STIM1: variants seen among roughly 807,000 people sequenced by gnomAD.
STIM1 encodes the protein stromal interaction molecule 1.
STIM1 carries 25 observed loss-of-function variants against 74.7 expected under a neutral mutation model. That is an observed-to-expected ratio of 0.33 (90% confidence interval 0.24 to 0.47). STIM1 has a LOEUF of 0.47. STIM1 is among the 20% of genes least tolerant of loss of function. The probability of loss-of-function intolerance (pLI) is 1.00; values close to 1 mark genes in which losing one functional copy is unlikely to be tolerated. For missense variants in STIM1, 728 were observed against 920.8 expected (o/e 0.79, Z 2.71); for synonymous variants, 328 against 348.8 (o/e 0.94, Z 0.66).
At chr11:3,997,578 T>C (rs958387025) in intron 2 of STIM1, among the ~76,000 whole-genome samples, 7 of 152,180 alleles carry the variant, frequency 4.6e-5, no homozygotes, top group Non-Finnish European at 7.3e-5. Context: ...TTATAGTCAC[T>C]GACACATAAT....
rs1565171553 is a variant in STIM1 at position 4,084,672 on chromosome 11, GA to G, written c.1475del (p.Tyr492LeufsTer5). On this transcript the variant is annotated frameshift_variant and splice_region_variant, in exon 11 of 13. Transcript: ENST00000526596. LOFTEE classifies it high-confidence loss of function. ...CCTTTTGGCCTGGCTGTTGACCCTA[GA>G]TGCTGCCTGGCTGATGGGGCGTAGG... Reference protein sequence around the residue: ...EEIVSPLSMQYAAWLMGRRFS... With the variant: ...EEIVSPLSMQXAAWLMGRRFS... 7.8e-7 allele frequency: 1 copy of G among 1,289,380 alleles called. No homozygotes were observed. The highest frequency in any genetic ancestry group is 5.5e-5 in the East Asian group (1 of 18,022). 79.9% of individuals were successfully genotyped at this position (1,289,380 alleles called of 1,614,324 possible).
chr11:3,887,255 T>C (rs1164621415), intron 1 of STIM1, among the ~76,000 whole-genome samples: 1 of 152,212 alleles, frequency 6.6e-6, no homozygotes, highest in East Asian at 1.9e-4. Context: ...CTTGTCCTTA[T>C]ACTTCCTTCC....
chr11:3,883,646 C>G (rs926414541), intron 1 of STIM1, among the ~76,000 whole-genome samples: 1 of 152,240 alleles, frequency 6.6e-6, no homozygotes, highest in Non-Finnish European at 1.5e-5. Flanking sequence ...AGGCACCACA[C>G]CCAGCCAATG....
chr11:4,063,720 T>G (rs2094347293), intron 5 of STIM1, among the ~76,000 whole-genome samples: 1 of 152,208 alleles, frequency 6.6e-6, no homozygotes, highest in African/African-American at 2.4e-5. Flanking sequence ...TGTTTGAAGT[T>G]TGGGGAAGAA....
At chr11:3,865,274 T>TA (rs2090810052) in intron 1 of STIM1, among the ~76,000 whole-genome samples, 1 of 152,206 alleles carries the variant, frequency 6.6e-6, no homozygotes, top group Non-Finnish European at 1.5e-5. Flanking sequence ...AGAACAAACT[T>TA]ACCCAAGGTT....
chr11:3,964,299 G>A (rs1173887350), intron 1 of STIM1, among the ~76,000 whole-genome samples: 1 of 152,228 alleles, frequency 6.6e-6, no homozygotes, highest in Non-Finnish European at 1.5e-5. Context: ...AAAGGTCTCA[G>A]GAAGAACAGA....
chr11:3,866,230 C>A (rs958167013), intron 1 of STIM1, among the ~76,000 whole-genome samples: 2 of 152,104 alleles, frequency 1.3e-5, no homozygotes, highest in African/African-American at 2.4e-5. Flanking sequence ...TTACTTATGT[C>A]ATTTAACTTC....
intron 2 of STIM1, chr11:3,989,246 C>A: frequency 2.3e-6 from 2 of 868,074 alleles, no homozygotes; most frequent in Middle Eastern, 2.2e-4. Context: ...GGTAAATGTT[C>A]TTTAGTTTCT....
intron 3 of STIM1, among the ~76,000 whole-genome samples, chr11:4,053,825 T>C (rs2094265293): frequency 6.6e-6 from 1 of 151,990 alleles, no homozygotes; most frequent in African/African-American, 2.4e-5. Flanking sequence ...CCCAGGCTGG[T>C]CTTGAATTCT....
chr11:4,014,072 T>C (rs964236481), intron 2 of STIM1, among the ~76,000 whole-genome samples: 1 of 152,250 alleles, frequency 6.6e-6, no homozygotes, highest in East Asian at 1.9e-4. Context: ...TGATCTTAGT[T>C]ATTTCTTGTC....
At chr11:4,043,015 A>G (rs1246028055) in intron 3 of STIM1, among the ~76,000 whole-genome samples, 1 of 152,196 alleles carries the variant, frequency 6.6e-6, no homozygotes, top group Non-Finnish European at 1.5e-5. Context: ...ATGCTTGTTG[A>G]ATAGCAAAAT....
chr11:3,856,372 C>T lies in STIM1; in HGVS notation c.102C>T (p.Thr34=), dbSNP rs527487846. The T allele has an allele frequency of 1.2e-6, 2 of 1,614,184 alleles. No homozygotes were observed. Among genetic ancestry groups the T allele is most frequent in the Non-Finnish European group, 1.7e-6 (2 of 1,180,044 alleles). The change falls in exon 1 of 13, where the codon ACC becomes ACT. Residue 34 remains threonine (T), a synonymous_variant. Transcript: ENST00000526596. ...GTCACAGTGAGAAGGCGACAGGAAC[C>T]AGCTCGGGGGCCAACTCTGAGGAGT... is the stretch of plus-strand genomic sequence containing the variant. The part of the protein sequence containing the change: ...SHSHSEKATG[T]SSGANSEEST...
intron 1 of STIM1, among the ~76,000 whole-genome samples, chr11:3,858,459 C>T (rs781309382): frequency 1.3e-5 from 2 of 152,066 alleles, no homozygotes; most frequent in Non-Finnish European, 2.9e-5. Flanking sequence ...CTCAGAGAGA[C>T]CCTAGGTGCT....
At chr11:4,027,293 G>A (rs904924263) in intron 3 of STIM1, among the ~76,000 whole-genome samples, 5 of 152,008 alleles carry the variant, frequency 3.3e-5, no homozygotes, top group African/African-American at 9.7e-5. Context: ...GAGACTAGGG[G>A]ATTCGCCTTT....
intron 3 of STIM1, among the ~76,000 whole-genome samples, chr11:4,043,420 C>T (rs1004664365): frequency 3.3e-5 from 5 of 152,114 alleles, no homozygotes; most frequent in Non-Finnish European, 5.9e-5. Context: ...ATACCTCCCC[C>T]CTTTACCTCC....
chr11:3,914,047 A>G (rs1307519034), intron 1 of STIM1, among the ~76,000 whole-genome samples: 1 of 152,166 alleles, frequency 6.6e-6, no homozygotes, highest in Non-Finnish European at 1.5e-5. Context: ...CACTCACAGT[A>G]TTGTGCAACT....
chr11:3,903,210 G>A (rs1053422052), intron 1 of STIM1, among the ~76,000 whole-genome samples: 1 of 152,196 alleles, frequency 6.6e-6, no homozygotes, highest in Non-Finnish European at 1.5e-5. Flanking sequence ...GCTAATAAGT[G>A]GTAGAGGTGG....
At position 3,890,695 on chromosome 11, in the gene STIM1, AAG is replaced by A. The variant is rs1388864989; in HGVS notation, c.139+34288_139+34289del. Among the ~76,000 whole-genome samples the A allele has an allele frequency of 4.0e-5, 6 of 151,892 alleles. No individual in the cohort carries two copies. The East Asian group carries it at 1.2e-3, about 29-fold the overall frequency. Reference sequence around the variant, plus strand: ...TGCACTCCAGCCTGGGTGATGGAGCAAGACTCTATTGCAAAAAAAAAGAAAAG... The same window carrying A: ...TGCACTCCAGCCTGGGTGATGGAGCAACTCTATTGCAAAAAAAAAGAAAAG... On this transcript the variant is annotated intron_variant, in intron 1 of 12. Coordinates refer to ENST00000526596, the MANE Select transcript of STIM1 (RefSeq NM_001382567.1).
rs143692864 is a variant in STIM1 at position 3,995,637 on chromosome 11, A to G, written c.270+27955A>G. Among the ~76,000 whole-genome samples, 799 of 151,672 alleles carry G rather than the reference A, an allele frequency of 5.3e-3. 9 individuals are homozygous for G. Among genetic ancestry groups the G allele is most frequent in the African/African-American group, 0.019 (771 of 41,332 alleles). On this transcript the variant is annotated intron_variant, in intron 2 of 12. Transcript: ENST00000526596. ...ATAGTTCCTGAGGTCAGTGTTTGAG[A>G]TTTGTTCTTTTTTGGTTTGTTTTTG...
Sources: gnomAD v4.1 joint callset for allele counts (sites outside exome capture counted in the v4.1 genomes callset) on GRCh38, gnomAD v4.1.1 for gene constraint, MANE v1.5 for transcripts, NCBI Gene and HGNC (gene_info 2026-07-23, HGNC 2026-07-21) for gene names.